The following SHISA9 variants were observed in gnomAD, a reference collection of about 807,000 sequenced individuals.
The protein encoded by SHISA9 is shisa family member 9.
In SHISA9, 13 loss-of-function variants were observed where a neutral mutation model predicts 38.0. The observed-to-expected ratio is 0.34, with a 90% CI of 0.22 to 0.54. The LOEUF is 0.54. Among genes scored for constraint, SHISA9 ranks in the 20% least tolerant of loss-of-function variants. SHISA9 has a pLI of 0.91. For synonymous variants in SHISA9, 275 were observed against 242.0 expected (o/e 1.14, Z -1.27); for missense variants, 538 against 575.8 (o/e 0.93, Z 0.67).
chr16:13,267,340 G>C, the SHISA9 span, among the ~76,000 whole-genome samples: 2 of 152,098 alleles, frequency 1.3e-5, no homozygotes, highest in South Asian at 4.1e-4. Context: ...AATTAAAATG[G>C]CAATACTATT....
chr16:13,562,368 G>C, the SHISA9 span, among the ~76,000 whole-genome samples: 1 of 152,136 alleles, frequency 6.6e-6, no homozygotes, highest in Non-Finnish European at 1.5e-5. Flanking sequence ...AGTGGCTCAT[G>C]CCTGTAATCC....
chr16:12,979,911 A>G (rs1351625648), intron 2 of SHISA9, among the ~76,000 whole-genome samples: 3 of 151,800 alleles, frequency 2.0e-5, no homozygotes, highest in South Asian at 4.2e-4. Context: ...TTTTAGGTTG[A>G]TATTATCTAT....
the SHISA9 span, among the ~76,000 whole-genome samples, chr16:13,385,258 T>C: frequency 6.6e-6 from 1 of 152,186 alleles, no homozygotes; most frequent in Admixed American, 6.5e-5. Context: ...TTACAGAAAA[T>C]TAAACCTGCA....
intron 2 of SHISA9, among the ~76,000 whole-genome samples, chr16:12,975,723 G>T (rs2072152383): frequency 6.6e-6 from 1 of 151,468 alleles, no homozygotes; most frequent in South Asian, 2.1e-4. Flanking sequence ...ATTTAAGATG[G>T]AAATTGTAGG....
chr16:12,923,701 C>T (rs1050472278), intron 2 of SHISA9, among the ~76,000 whole-genome samples: 8 of 150,122 alleles, frequency 5.3e-5, no homozygotes, highest in African/African-American at 1.2e-4. Flanking sequence ...ATTAGCTGGG[C>T]GTGGTGGTGG....
chr16:13,391,037 G>C, the SHISA9 span, among the ~76,000 whole-genome samples: 1 of 152,186 alleles, frequency 6.6e-6, no homozygotes, highest in African/African-American at 2.4e-5. Flanking sequence ...ACATGAGAGA[G>C]AACAGGAGTG....
the SHISA9 span, among the ~76,000 whole-genome samples, chr16:13,448,380 G>A: frequency 1.3e-5 from 2 of 152,190 alleles, no homozygotes; most frequent in African/African-American, 2.4e-5. Flanking sequence ...TGATCATTAT[G>A]CCTCTTAGCT....
the SHISA9 span, among the ~76,000 whole-genome samples, chr16:13,460,178 C>T: frequency 6.6e-6 from 1 of 152,032 alleles, no homozygotes; most frequent in African/African-American, 2.4e-5. Flanking sequence ...TGGCAAATAC[C>T]AGAAGAACAA....
chr16:12,963,390 T>C (rs74014750), intron 2 of SHISA9, among the ~76,000 whole-genome samples: 2,395 of 152,180 alleles, frequency 0.016, 76 homozygotes, highest in African/African-American at 0.055. Flanking sequence ...CTTCAGGAGC[T>C]CCTAGTGTAG....
At chr16:13,228,940 C>A (rs1473763651) in intron 4 of SHISA9, among the ~76,000 whole-genome samples, 2 of 152,148 alleles carry the variant, frequency 1.3e-5, no homozygotes, top group African/African-American at 4.8e-5. Flanking sequence ...GTGGGTGGAT[C>A]ACTTCAGGTC....
At chr16:12,994,256 C>T (rs554990455) in intron 2 of SHISA9, among the ~76,000 whole-genome samples, 1 of 152,260 alleles carries the variant, frequency 6.6e-6, no homozygotes, top group Admixed American at 6.5e-5. Context: ...TGTCTTGGAC[C>T]AGAGTGTGAG....
intron 4 of SHISA9, among the ~76,000 whole-genome samples, chr16:13,234,382 A>G (rs2051360483): frequency 6.6e-6 from 1 of 152,254 alleles, no homozygotes; most frequent in South Asian, 2.1e-4. Context: ...CCTATGAAGT[A>G]TACTTTTTTA....
the SHISA9 span, among the ~76,000 whole-genome samples, chr16:13,373,843 T>C: frequency 5.1e-4 from 77 of 151,526 alleles, 1 homozygote; most frequent in Non-Finnish European, 1.6e-4. Context: ...GTAATGTACA[T>C]GCAGTGTTTA....
the SHISA9 span, among the ~76,000 whole-genome samples, chr16:13,451,474 A>G: frequency 6.6e-6 from 1 of 152,322 alleles, no homozygotes; most frequent in East Asian, 1.9e-4. Context: ...CCTCAAATTC[A>G]CCAGGAAAGA....
the SHISA9 span, among the ~76,000 whole-genome samples, chr16:13,376,684 G>A: frequency 1.3e-5 from 2 of 151,974 alleles, no homozygotes. Context: ...TAAATTATAG[G>A]GTGTTTATTT....
the SHISA9 span, among the ~76,000 whole-genome samples, chr16:13,291,980 C>G: frequency 6.6e-6 from 1 of 151,966 alleles, no homozygotes; most frequent in Non-Finnish European, 1.5e-5. Flanking sequence ...TATTCCCTTT[C>G]TTTGGATTTC....
chr16:13,548,921 T>C, the SHISA9 span, among the ~76,000 whole-genome samples: 2 of 152,218 alleles, frequency 1.3e-5, no homozygotes, highest in Non-Finnish European at 1.5e-5. Flanking sequence ...CTCATGTTTA[T>C]TGCAACACTT....
chr16:13,154,100 A>G (rs2142006757), intron 2 of SHISA9, among the ~76,000 whole-genome samples: 1 of 152,272 alleles, frequency 6.6e-6, no homozygotes, highest in East Asian at 1.9e-4. Flanking sequence ...TTTATTAAGC[A>G]CCTATCATGT....
the SHISA9 span, among the ~76,000 whole-genome samples, chr16:13,373,702 C>T: frequency 1.4e-5 from 2 of 147,604 alleles, no homozygotes; most frequent in Non-Finnish European, 3.0e-5. Flanking sequence ...GCAGAGGTTG[C>T]AGTGACCGAG....
Sources: gnomAD v4.1 joint callset for allele counts (sites outside exome capture counted in the v4.1 genomes callset) on GRCh38, gnomAD v4.1.1 for gene constraint, MANE v1.5 for transcripts, NCBI Gene and HGNC (gene_info 2026-07-23, HGNC 2026-07-21) for gene names.